Variants in ANKRD46 observed in about 807,000 individuals in gnomAD.
The protein encoded by ANKRD46 is ankyrin repeat domain-containing protein 46.
In ANKRD46, 13 loss-of-function variants were observed where a neutral mutation model predicts 19.8. The observed-to-expected ratio is 0.66, with a 90% CI of 0.43 to 1.04. The LOEUF (loss-of-function observed/expected upper bound fraction) is 1.04. ANKRD46 is among the 50% of genes least tolerant of loss of function. The pLI is 0.00. For synonymous variants in ANKRD46, 91 were observed against 106.9 expected, an observed-to-expected ratio of 0.85 and a Z score of 0.92; for missense variants, 185 against 274.8, an observed-to-expected ratio of 0.67 and a Z score of 2.31.
chr8:100,552,381 C>CTT (rs35402744), intron 1 of ANKRD46, among the ~76,000 whole-genome samples: 1 of 140,250 alleles, frequency 7.1e-6, no homozygotes, highest in African/African-American at 2.6e-5. Context: ...TACTTTGGCG[C>CTT]TTTTTTTTTT....
chr8:100,547,981 T>A (rs1209043439), intron 1 of ANKRD46, among the ~76,000 whole-genome samples: 2 of 152,150 alleles, frequency 1.3e-5, no homozygotes, highest in Non-Finnish European at 2.9e-5. Flanking sequence ...CATTTTTTCA[T>A]CCCATGCTTT....
At position 100,536,231 on chromosome 8, in the gene ANKRD46, G is replaced by A. The variant is rs116519725; in HGVS notation, c.-130-2920C>T. Among the ~76,000 whole-genome samples the A allele has an allele frequency of 5.5e-3, 837 of 152,298 alleles. 10 individuals carry two copies. Among genetic ancestry groups the A allele is most frequent in the African/African-American group, 0.019 (797 of 41,562 alleles). ...TGAGTCTGTGCCCCTGTGAATGGAT[G>A]TGAAACCTAAGTAAACATAATGAAG... On this transcript the variant is annotated intron_variant, in intron 1 of 4. Transcript: ENST00000335659. This position sits in a 1 kb window ranked among gnomAD's most constrained non-coding sequence, Gnocchi z 4.9.
At chr8:100,553,855 T>C (rs2130709179) in intron 1 of ANKRD46, among the ~76,000 whole-genome samples, 1 of 152,346 alleles carries the variant, frequency 6.6e-6, no homozygotes, top group South Asian at 2.1e-4. Flanking sequence ...ATGTTTACTT[T>C]AAAAAATAAA....
Position 100,529,016 on chromosome 8 carries a change from A to AC in ANKRD46, c.311+506_311+507insG, listed in dbSNP as rs1811902329. Reference sequence around the variant, plus strand: ...AAGCTCACATGGTGCGTTACATGACAGAAGGCACACAAGCGTTAGAGTCAG... The same window carrying AC: ...AAGCTCACATGGTGCGTTACATGACACGAAGGCACACAAGCGTTAGAGTCAG... On this transcript the variant is annotated intron_variant, in intron 3 of 4. Transcript: ENST00000335659. This position sits in a 1 kb window ranked among gnomAD's most constrained non-coding sequence, Gnocchi z 5.8. 6.6e-6 allele frequency among the ~76,000 whole-genome samples: 1 copy of AC among 152,246 alleles called. No individual in the cohort carries two copies. The highest frequency in any genetic ancestry group is 2.4e-5 in the African/African-American group (1 of 41,472).
rs1357759870 is a variant in ANKRD46, at chr8:100,536,980, G to A, written c.-130-3669C>T. ...GATCGCGGCAACAAGAGCTTCTTAT[G>A]TCAACCAGCGTGATTGTCTCAACCC... On this transcript the variant is annotated intron_variant, in intron 1 of 4. Coordinates refer to ENST00000335659, the MANE Select transcript of ANKRD46 (RefSeq NM_001270377.2). This position sits in a 1 kb window ranked among gnomAD's most constrained non-coding sequence, Gnocchi z 4.9. Among the ~76,000 whole-genome samples the A allele has an allele frequency of 6.6e-6, 1 of 152,190 alleles. No individual in the cohort carries two copies. Among genetic ancestry groups the A allele is most frequent in the Non-Finnish European group, 1.5e-5 (1 of 68,036 alleles).
chr8:100,542,253 G>A (rs17428846), intron 1 of ANKRD46, among the ~76,000 whole-genome samples: 28,023 of 151,922 alleles, frequency 0.18, 3,033 homozygotes, highest in Middle Eastern at 0.28. Flanking sequence ...AATTCTTTAC[G>A]TATCCTTATT....
chr8:100,542,540 T>C (rs1018656629), intron 1 of ANKRD46, among the ~76,000 whole-genome samples: 1 of 151,816 alleles, frequency 6.6e-6, no homozygotes, highest in Non-Finnish European at 1.5e-5. Context: ...TCTAAGGGAG[T>C]TGAGGAGTGT....
In ANKRD46 at chr8:100,529,911, C is replaced by T; in HGVS notation, c.-27-51G>A. The T allele has an allele frequency of 7.0e-7, 1 of 1,425,042 alleles. No individual in the cohort carries two copies. Among genetic ancestry groups the T allele is most frequent in the South Asian group, 1.4e-5 (1 of 71,948 alleles). 88.3% of individuals were successfully genotyped at this position (1,425,042 alleles called of 1,614,324 possible). Reference sequence around the variant, plus strand: ...TCCATGAAGACAAATGAAATCAAGACAAAGGAGTCATTTAGAAAAGCAATA... The same window carrying T: ...TCCATGAAGACAAATGAAATCAAGATAAAGGAGTCATTTAGAAAAGCAATA... On this transcript the variant is annotated intron_variant, in intron 2 of 4. Transcript: ENST00000335659. The surrounding 1 kb of genome is among the most constrained non-coding windows in gnomAD (Gnocchi z 5.8).
intron 5 of ANKRD46, among the ~76,000 whole-genome samples, chr8:100,512,020 A>G (rs1811554470): frequency 1.3e-5 from 2 of 152,240 alleles, no homozygotes; most frequent in Admixed American, 6.5e-5. Context: ...GTGAGACTCC[A>G]TCTTAAACAA....
rs992315935 is a variant in ANKRD46 at position 100,546,095 on chromosome 8, C to T, written c.-130-12784G>A. On this transcript the variant is annotated intron_variant, in intron 1 of 4. Coordinates refer to ENST00000335659, the MANE Select transcript of ANKRD46 (RefSeq NM_001270377.2). This position sits in a 1 kb window ranked among gnomAD's most constrained non-coding sequence, Gnocchi z 4.0. ...CAGAGCATAAAAGTTTGGAAATTTG[C>T]AGCCTGACTGGTAGAAAAGAAAACC... 3.3e-5 allele frequency among the ~76,000 whole-genome samples: 5 copies of T among 152,198 alleles called. No homozygotes were observed. Among genetic ancestry groups the T allele is most frequent in the Admixed American group, 3.3e-4 (5 of 15,286 alleles).
At position 100,524,793 on chromosome 8, in the gene ANKRD46, G is replaced by A. The variant is rs1811808446; in HGVS notation, c.471-2022C>T. On this transcript the variant is annotated intron_variant, in intron 4 of 4. Transcript: ENST00000335659. The surrounding 1 kb of genome is among the most constrained non-coding windows in gnomAD (Gnocchi z 4.3). The stretch of plus-strand genomic sequence containing the variant: ...ATTCTCATTGTTCTTCAGAGCTCAT[G>A]AAGCTCTGCCAATCGGGATATTCTA... 6.6e-6 allele frequency among the ~76,000 whole-genome samples: 1 copy of A among 152,152 alleles called. No homozygotes were observed. The highest frequency in any genetic ancestry group is 2.1e-4 in the South Asian group (1 of 4,832).
In ANKRD46 at chr8:100,530,357, A is replaced by G. The variant is rs530534823; in HGVS notation, c.-27-497T>C. Among the ~76,000 whole-genome samples, 3 of 151,738 alleles carry G rather than the reference A, an allele frequency of 2.0e-5. No individual in the cohort carries two copies. In the South Asian group the frequency reaches 6.2e-4, roughly 32 times the overall value. On this transcript the variant is annotated intron_variant, in intron 2 of 4. Transcript: ENST00000335659. ...TGCATGAAAAGAACTTATACTCAAC[A>G]AAGACCTGTAGAGTGTTATGTTTAT...
rs1263808370 is a variant in ANKRD46, at chr8:100,525,039, G to A, written c.471-2268C>T. 1.3e-5 allele frequency among the ~76,000 whole-genome samples: 2 copies of A among 152,088 alleles called. No homozygotes were observed. The highest frequency in any genetic ancestry group is 2.9e-5 in the Non-Finnish European group (2 of 68,008). On this transcript the variant is annotated intron_variant, in intron 4 of 4. Transcript: ENST00000335659. This position sits in a 1 kb window ranked among gnomAD's most constrained non-coding sequence, Gnocchi z 4.4. ...ATTAAACTTAGAGTTATATGGAGGA[G>A]TGGGGAAATATTTTTCATTAACTTG...
chr8:100,512,905 G>A (rs888434518), intron 5 of ANKRD46, among the ~76,000 whole-genome samples: 1 of 152,156 alleles, frequency 6.6e-6, no homozygotes, highest in Non-Finnish European at 1.5e-5. Context: ...CTGGTTCGGG[G>A]GTTAGAAGCC....
chr8:100,548,211 C>T (rs1812311815), intron 1 of ANKRD46, among the ~76,000 whole-genome samples: 4 of 152,148 alleles, frequency 2.6e-5, no homozygotes, highest in Admixed American at 2.6e-4. Flanking sequence ...CAGCCAAAAT[C>T]CTTAATAAAG....
In ANKRD46 at chr8:100,510,235, T is replaced by C. The variant is rs780199950; in HGVS notation, c.*342A>G. On this transcript the variant is annotated 3_prime_UTR_variant, in exon 6 of 6. Coordinates refer to the ANKRD46 transcript ENST00000520552. The surrounding 1 kb of genome is among the most constrained non-coding windows in gnomAD (Gnocchi z 4.9). Reference sequence around the variant, plus strand: ...ACATCACCCGCCTGGGAGTTGTCATTTCAGACACCACGGCAGCCTTTTGTT... The same window carrying C: ...ACATCACCCGCCTGGGAGTTGTCATCTCAGACACCACGGCAGCCTTTTGTT... 11 of 251,806 alleles carry C rather than the reference T, an allele frequency of 4.4e-5. No individual in the cohort carries two copies. The highest frequency in any genetic ancestry group is 6.0e-5 in the Non-Finnish European group (8 of 132,678). 15.6% of individuals were successfully genotyped at this position (251,806 alleles called of 1,614,324 possible).
In ANKRD46 at chr8:100,529,875, G is replaced by T; in HGVS notation, c.-27-15C>A. On this transcript the variant is annotated splice_polypyrimidine_tract_variant and intron_variant, in intron 2 of 4. Transcript: ENST00000335659. The surrounding 1 kb of genome is among the most constrained non-coding windows in gnomAD (Gnocchi z 5.8). ...ATGGAACACGCCTGTAATGAAATAG[G>T]TGAGTGAGATTCCATGAAGACAAAT... 6.4e-7 allele frequency: 1 copy of T among 1,566,968 alleles called. No individual in the cohort carries two copies. Among genetic ancestry groups the T allele is most frequent in the Non-Finnish European group, 8.7e-7 (1 of 1,146,410 alleles).
rs2130638107 is a variant in ANKRD46, at chr8:100,520,935, G to A, written c.*1620C>T. On this transcript the variant is annotated 3_prime_UTR_variant, in exon 5 of 5. Transcript: ENST00000335659. ...TATTTGTTTAGATTTACAAACAAAT[G>A]TAAAGCTAATTCCAAAGTTTTCTTC... is the stretch of plus-strand genomic sequence containing the variant. The A allele has an allele frequency of 2.0e-6, 2 of 984,716 alleles. No individual in the cohort carries two copies. Among genetic ancestry groups the A allele is most frequent in the Non-Finnish European group, 2.4e-6 (2 of 829,404 alleles). 61.0% of individuals were successfully genotyped at this position (984,716 alleles called of 1,614,324 possible).
At position 100,534,973 on chromosome 8, in the gene ANKRD46, G is replaced by T. The variant is rs1472702925; in HGVS notation, c.-130-1662C>A. ...GTGGAGATGAGGTTTCACCATGTTG[G>T]CTAGGCAGGTCTTGAACTCCTGACC... On this transcript the variant is annotated intron_variant, in intron 1 of 4. Transcript: ENST00000335659. The surrounding 1 kb of genome is among the most constrained non-coding windows in gnomAD (Gnocchi z 4.2). Among the ~76,000 whole-genome samples the T allele has an allele frequency of 6.6e-6, 1 of 152,174 alleles. No homozygotes were observed. The highest frequency in any genetic ancestry group is 1.5e-5 in the Non-Finnish European group (1 of 68,036).
Sources: gnomAD v4.1 joint callset for allele counts (sites outside exome capture counted in the v4.1 genomes callset) on GRCh38, gnomAD v4.1.1 for gene constraint, Gnocchi (gnomAD v3.1) non-coding constraint, MANE v1.5 for transcripts, NCBI Gene and HGNC (gene_info 2026-07-23, HGNC 2026-07-21) for gene names.